The following CNTNAP5 variants were observed in gnomAD, a reference collection of about 807,000 sequenced individuals.
CNTNAP5 encodes contactin-associated protein-like 5.
Under a neutral mutation model 150.2 loss-of-function variants are expected in CNTNAP5, and 72 were observed. The ratio of observed to expected loss-of-function variants is 0.48; its 90% CI spans 0.40 to 0.58. The LOEUF (loss-of-function observed/expected upper bound fraction) is 0.58. Ranked by LOEUF, CNTNAP5 falls within the 20% of genes least tolerant of loss-of-function variation. The pLI, the probability that CNTNAP5 is intolerant of heterozygous loss-of-function variation, is 0.00. For missense variants in CNTNAP5, 1,636 were observed against 1,626.2 expected (o/e 1.01, Z -0.10); for synonymous variants, 672 against 619.8 (o/e 1.08, Z -1.25).
chr2:124,246,330 A>G (rs1332776872), intron 3 of CNTNAP5, among the ~76,000 whole-genome samples: 1 of 152,114 alleles, frequency 6.6e-6, no homozygotes, highest in Non-Finnish European at 1.5e-5. Context: ...TGGAATGCTC[A>G]TGAATGAGGT....
intron 10 of CNTNAP5, among the ~76,000 whole-genome samples, chr2:124,534,597 G>A (rs953613753): frequency 1.3e-5 from 2 of 152,094 alleles, no homozygotes; most frequent in Admixed American, 1.3e-4. Flanking sequence ...TAAGAAATTC[G>A]GGTGTGGTGG....
At chr2:124,160,269 T>A (rs575495113) in intron 1 of CNTNAP5, among the ~76,000 whole-genome samples, 1 of 152,296 alleles carries the variant, frequency 6.6e-6, no homozygotes, top group African/African-American at 2.4e-5. Flanking sequence ...GAATATTATT[T>A]CACTCTTTTA....
chr2:124,779,575 G>A (rs1681404795), intron 17 of CNTNAP5, among the ~76,000 whole-genome samples: 1 of 152,088 alleles, frequency 6.6e-6, no homozygotes, highest in South Asian at 2.1e-4. Flanking sequence ...ATTTTCTTAA[G>A]TGAAATTTAT....
chr2:124,139,263 AACACACAC>A lies in CNTNAP5; in HGVS notation c.83-82418_83-82411del, dbSNP rs3063402. 2.4e-3 allele frequency among the ~76,000 whole-genome samples: 358 copies of A among 149,294 alleles called. 2 individuals are homozygous for A. Among genetic ancestry groups the A allele is most frequent in the South Asian group, 9.0e-3 (42 of 4,666 alleles). On this transcript the variant is annotated intron_variant, in intron 1 of 23. Transcript: ENST00000682447. ...TATAAAATCCTCTTATTTCTACCCC[AACACACAC>A]ACACACACACACACACACACACAAT...
At chr2:124,282,188 C>A (rs865975772) in intron 3 of CNTNAP5, among the ~76,000 whole-genome samples, 11 of 152,128 alleles carry the variant, frequency 7.2e-5, no homozygotes, top group Admixed American at 6.6e-5. Context: ...AAATCTGACA[C>A]ACTTGTGTTT....
At chr2:124,846,654 T>C (rs1009079881) in intron 19 of CNTNAP5, among the ~76,000 whole-genome samples, 2 of 152,300 alleles carry the variant, frequency 1.3e-5, no homozygotes, top group African/African-American at 4.8e-5. Flanking sequence ...ACTTGTTGTA[T>C]CATAATGCCT....
At chr2:124,841,083 T>C (rs764985103) in intron 19 of CNTNAP5, among the ~76,000 whole-genome samples, 1 of 152,132 alleles carries the variant, frequency 6.6e-6, no homozygotes, top group Non-Finnish European at 1.5e-5. Context: ...TGTTATGTGA[T>C]GCATTTGTGC....
intron 19 of CNTNAP5, among the ~76,000 whole-genome samples, chr2:124,824,609 A>G (rs73955847): frequency 0.05 from 7,665 of 152,164 alleles, 623 homozygotes; most frequent in African/African-American, 0.17. Flanking sequence ...TACTTAAGTA[A>G]TATCTTGTCC....
chr2:124,532,598 G>T (rs1358752871), intron 10 of CNTNAP5, among the ~76,000 whole-genome samples: 1 of 152,196 alleles, frequency 6.6e-6, no homozygotes. Context: ...CTGAGGTGGG[G>T]AGAAGCAGAG....
chr2:124,911,515 G>A lies in CNTNAP5; in HGVS notation c.3704G>A (p.Arg1235Gln), dbSNP rs201560627. ...CGGGAACCACTCACAAATGCTGTTC[G>A]AAGTGATTCGGCAGTCATCGGAGGT... The part of the protein sequence containing the change: ...DEREPLTNAV[R>Q]SDSAVIGGVI... Residue 1235 changes from arginine to glutamine, a missense_variant, in exon 23 of 24, where the codon CGA becomes CAA. Physicochemically the swap from Arg to Gln is conservative, Grantham distance 43. Transcript: ENST00000682447. 224 of 1,601,374 alleles carry A rather than the reference G, an allele frequency of 1.4e-4. No homozygotes were observed. The highest frequency in any genetic ancestry group is 1.8e-4 in the Non-Finnish European group (213 of 1,173,516).
chr2:124,219,522 A>C (rs1222989375), intron 1 of CNTNAP5, among the ~76,000 whole-genome samples: 1 of 152,108 alleles, frequency 6.6e-6, no homozygotes, highest in Non-Finnish European at 1.5e-5. Flanking sequence ...TTATATCTAC[A>C]CATCTGGATG....
At chr2:124,479,041 G>A (rs911395548) in intron 7 of CNTNAP5, among the ~76,000 whole-genome samples, 2 of 152,072 alleles carry the variant, frequency 1.3e-5, no homozygotes, top group Non-Finnish European at 2.9e-5. Flanking sequence ...AGTCTTTATA[G>A]CTCGATTTGA....
At chr2:124,455,900 G>T (rs1449334924) in intron 6 of CNTNAP5, among the ~76,000 whole-genome samples, 3 of 152,056 alleles carry the variant, frequency 2.0e-5, no homozygotes, top group Non-Finnish European at 4.4e-5. Flanking sequence ...ACATTGGCAT[G>T]CAAGGGACAT....
chr2:124,497,059 G>A (rs114318146), intron 7 of CNTNAP5, among the ~76,000 whole-genome samples: 1 of 152,196 alleles, frequency 6.6e-6, no homozygotes, highest in African/African-American at 2.4e-5. Flanking sequence ...AGTGGTGACA[G>A]CCTGGTTGAG....
At chr2:124,888,248 T>TGTATCC (rs1263559096) in intron 21 of CNTNAP5, among the ~76,000 whole-genome samples, 1 of 152,152 alleles carries the variant, frequency 6.6e-6, no homozygotes, top group Non-Finnish European at 1.5e-5. Context: ...GACTTCCAGC[T>TGTATCC]GTATCCATGT....
intron 8 of CNTNAP5, among the ~76,000 whole-genome samples, chr2:124,523,605 C>T (rs1304521997): frequency 6.6e-6 from 1 of 152,178 alleles, no homozygotes; most frequent in African/African-American, 2.4e-5. Context: ...AAGCACCCAC[C>T]TTTCTCCCAG....
chr2:124,577,180 A>G (rs1696302969), intron 11 of CNTNAP5, among the ~76,000 whole-genome samples: 1 of 152,130 alleles, frequency 6.6e-6, no homozygotes, highest in Admixed American at 6.6e-5. Flanking sequence ...TTTTTTCCGC[A>G]GCACTATCAT....
At chr2:124,428,431 A>C (rs535805593) in intron 4 of CNTNAP5, among the ~76,000 whole-genome samples, 1 of 152,290 alleles carries the variant, frequency 6.6e-6, no homozygotes, top group Admixed American at 6.5e-5. Flanking sequence ...GAAAACCACA[A>C]AAATAAAAAA....
Position 124,915,358 on chromosome 2 carries a change from A to G in CNTNAP5, c.*1070A>G, listed in dbSNP as rs1678744656. 1 of 166,490 alleles carries G rather than the reference A, an allele frequency of 6.0e-6. No individual in the cohort carries two copies. The highest frequency in any genetic ancestry group is 2.4e-5 in the African/African-American group (1 of 41,432). The allele number at this position is 166,490 out of a possible 1,614,324, so 10.3% of individuals were successfully genotyped here. On this transcript the variant is annotated 3_prime_UTR_variant, in exon 24 of 24. Transcript: ENST00000682447. Reference sequence around the variant, plus strand: ...TTTAAAACAAAAATTAAATCAGGAAAAAATGAAAAAAAAACTGCATGAAAG... The same window carrying G: ...TTTAAAACAAAAATTAAATCAGGAAGAAATGAAAAAAAAACTGCATGAAAG...
Sources: allele counts gnomAD v4.1 joint callset (sites outside exome capture counted in the v4.1 genomes callset), GRCh38; gene constraint gnomAD v4.1.1; transcripts MANE v1.5; gene names NCBI Gene and HGNC (gene_info 2026-07-23, HGNC 2026-07-21).